The following SLC7A14 variants were observed in gnomAD, a reference collection of about 807,000 sequenced individuals.
The protein encoded by SLC7A14 is solute carrier family 7 member 14.
A neutral mutation model predicts 60.2 loss-of-function variants in SLC7A14; 37 were observed. The ratio of observed to expected loss-of-function variants is 0.61; its 90% confidence interval spans 0.47 to 0.81. SLC7A14 has a LOEUF of 0.81. Ranked by LOEUF, SLC7A14 falls within the 30% of genes least tolerant of loss-of-function variation. The probability of loss-of-function intolerance (pLI) is 0.00; values close to 1 mark genes in which losing one functional copy is unlikely to be tolerated. For synonymous variants in SLC7A14, 399 were observed against 395.8 expected (o/e 1.01, Z -0.10); for missense variants, 886 against 982.7 (o/e 0.90, Z 1.32).
intron 6 of SLC7A14, 111 bp from the exon 7 acceptor site, chr3:170,481,277 T>G (rs1277041808): frequency 3.4e-5 from 40 of 1,165,972 alleles, no homozygotes; most frequent in Non-Finnish European, 4.7e-5. Flanking sequence ...TAACTCCTCC[T>G]GGTCCTGCTC....
At chr3:170,516,804 G>A (rs1713172954) in intron 2 of SLC7A14, among the ~76,000 whole-genome samples, 1 of 152,002 alleles carries the variant, frequency 6.6e-6, no homozygotes, top group African/African-American at 2.4e-5. Flanking sequence ...GGAAGTTTGT[G>A]TCTGTATGAA....
At chr3:170,502,685 AAG>A (rs1207107252) in intron 2 of SLC7A14, 1 of 152,210 alleles carries the variant, frequency 6.6e-6, no homozygotes, top group African/African-American at 2.4e-5. Flanking sequence ...TTTGTGAATA[AAG>A]AGAGCAGGTT....
Position 170,461,432 on chromosome 3 carries a change from G to A in SLC7A14, c.*5623C>T, listed in dbSNP as rs1054007610. ...GCATTACTCAAGCAGGACAAGAAGA[G>A]GAAAGCATTTTAAAAAGGAAGTTGC... On this transcript the variant is annotated 3_prime_UTR_variant, in exon 8 of 8. Transcript: ENST00000231706. 1 of 151,782 alleles carries A rather than the reference G, an allele frequency of 6.6e-6. No homozygotes were observed. Among genetic ancestry groups the A allele is most frequent in the African/African-American group, 2.4e-5 (1 of 41,158 alleles). 9.4% of individuals were successfully genotyped at this position (151,782 alleles called of 1,614,324 possible). A position where few individuals can be genotyped will look rare whatever the true frequency, so the allele number is the denominator to read the frequency against.
At chr3:170,577,214 A>G (rs1269427427) in intron 1 of SLC7A14, among the ~76,000 whole-genome samples, 1 of 152,250 alleles carries the variant, frequency 6.6e-6, no homozygotes. Context: ...TCAGTCTTGA[A>G]GTAGTGAATG....
chr3:170,528,015 T>C (rs571491994), intron 1 of SLC7A14, among the ~76,000 whole-genome samples: 35 of 152,312 alleles, frequency 2.3e-4, no homozygotes, highest in African/African-American at 8.4e-4. Flanking sequence ...AAGGACCCCA[T>C]GGGAATGCCA....
intron 2 of SLC7A14, among the ~76,000 whole-genome samples, chr3:170,511,933 C>T (rs1299761712): frequency 6.6e-6 from 1 of 152,162 alleles, no homozygotes; most frequent in Non-Finnish European, 1.5e-5. Flanking sequence ...TCTCACTCAA[C>T]CTCTCTTTGT....
At chr3:170,517,277 T>C (rs1038698430) in intron 2 of SLC7A14, among the ~76,000 whole-genome samples, 7 of 152,324 alleles carry the variant, frequency 4.6e-5, no homozygotes, top group Non-Finnish European at 8.8e-5. Context: ...TGGCTGTGTA[T>C]TGGGACATTT....
chr3:170,535,440 G>C lies in SLC7A14; in HGVS notation c.-152-8352C>G, dbSNP rs1250400403. Among the ~76,000 whole-genome samples, 3 of 152,064 alleles carry C rather than the reference G, an allele frequency of 2.0e-5. No individual in the cohort carries two copies. In the East Asian group the frequency reaches 5.8e-4, roughly 29 times the overall value. On this transcript the variant is annotated intron_variant, in intron 1 of 7. Coordinates refer to ENST00000231706, the MANE Select transcript of SLC7A14 (RefSeq NM_020949.3). This position sits in a 1 kb window ranked among gnomAD's most constrained non-coding sequence, Gnocchi z 4.3. ...GTTCCCGGTGTGTGTTTAGTTCAAT[G>C]GTAGCTGTTATGGCCATAAAATAAA... is the stretch of plus-strand genomic sequence containing the variant.
At chr3:170,490,000 A>T (rs1032072417) in intron 4 of SLC7A14, among the ~76,000 whole-genome samples, 1 of 152,200 alleles carries the variant, frequency 6.6e-6, no homozygotes, top group African/African-American at 2.4e-5. Flanking sequence ...GTACAAAAAA[A>T]GTAGAAAGAA....
At chr3:170,531,289 C>A (rs909423952) in intron 1 of SLC7A14, among the ~76,000 whole-genome samples, 5 of 152,084 alleles carry the variant, frequency 3.3e-5, no homozygotes, top group Non-Finnish European at 7.4e-5. Flanking sequence ...CAGCTCTCCT[C>A]GGCAGGCAAT....
intron 2 of SLC7A14, among the ~76,000 whole-genome samples, chr3:170,521,499 C>T (rs1713337630): frequency 6.6e-6 from 1 of 152,056 alleles, no homozygotes; most frequent in Non-Finnish European, 1.5e-5. Context: ...AAGAGATAAA[C>T]AGAAATTGAA....
At chr3:170,568,827 A>G (rs1435423698) in intron 1 of SLC7A14, among the ~76,000 whole-genome samples, 1 of 152,180 alleles carries the variant, frequency 6.6e-6, no homozygotes, top group Non-Finnish European at 1.5e-5. Context: ...TTATTGGTGT[A>G]TAAGAATGCT....
At chr3:170,534,642 G>C (rs1359827730) in intron 1 of SLC7A14, among the ~76,000 whole-genome samples, 1 of 152,092 alleles carries the variant, frequency 6.6e-6, no homozygotes, top group East Asian at 1.9e-4. Context: ...GTTCATTCCT[G>C]CATTTCCACA....
chr3:170,562,040 G>A (rs561962351), intron 1 of SLC7A14, among the ~76,000 whole-genome samples: 2 of 152,332 alleles, frequency 1.3e-5, no homozygotes, highest in African/African-American at 2.4e-5. Context: ...TACACTGCTG[G>A]TGGGAATGTA....
chr3:170,497,087 C>CAAAAAAAAAAAAAAAAAAAAAAAAAAAA (rs548290941), intron 4 of SLC7A14, among the ~76,000 whole-genome samples: 1 of 94,316 alleles, frequency 1.1e-5, no homozygotes, highest in Non-Finnish European at 2.1e-5. Context: ...TTATTTTGTC[C>CAAAAAAAAAAAAAAAAAAAAAAAAAAAA]AAAAAAAAAA....
At chr3:170,482,670 G>A (rs923046412) in intron 6 of SLC7A14, among the ~76,000 whole-genome samples, 1 of 152,176 alleles carries the variant, frequency 6.6e-6, no homozygotes, top group Non-Finnish European at 1.5e-5. Flanking sequence ...TTTTGGAGTC[G>A]GATGTTCTGG....
At chr3:170,523,105 C>T (rs1057238900) in intron 2 of SLC7A14, among the ~76,000 whole-genome samples, 4 of 152,156 alleles carry the variant, frequency 2.6e-5, no homozygotes, top group Non-Finnish European at 5.9e-5. Flanking sequence ...GCTATGTGCT[C>T]GGCAATGTAC....
At chr3:170,537,675 CT>C (rs1407713639) in intron 1 of SLC7A14, among the ~76,000 whole-genome samples, 3 of 152,214 alleles carry the variant, frequency 2.0e-5, no homozygotes. Flanking sequence ...TACCTATTGT[CT>C]GTCAAGAATA....
intron 2 of SLC7A14, among the ~76,000 whole-genome samples, chr3:170,514,091 C>T (rs977922845): frequency 6.6e-6 from 1 of 152,254 alleles, no homozygotes; most frequent in African/African-American, 2.4e-5. Context: ...GATCTCACCT[C>T]CTTGCCAGGG....
Sources: gnomAD v4.1 joint callset for allele counts (sites outside exome capture counted in the v4.1 genomes callset) on GRCh38, gnomAD v4.1.1 for gene constraint, Gnocchi (gnomAD v3.1) non-coding constraint, MANE v1.5 for transcripts, NCBI Gene and HGNC (gene_info 2026-07-23, HGNC 2026-07-21) for gene names.